Variants in ULK2 observed in about 807,000 individuals in gnomAD.
The protein encoded by ULK2 is serine/threonine-protein kinase ULK2.
In ULK2, 76 loss-of-function variants were observed where a neutral mutation model predicts 127.5. The observed-to-expected ratio is 0.60, with a 90% CI of 0.50 to 0.72. The LOEUF (loss-of-function observed/expected upper bound fraction) is 0.72. Among genes scored for constraint, ULK2 ranks in the 30% least tolerant of loss-of-function variants. ULK2 has a pLI of 0.00. For missense variants in ULK2, 1,144 were observed against 1,295.9 expected (o/e 0.88, Z 1.80); for synonymous variants, 452 against 461.9 (o/e 0.98, Z 0.28).
intron 12 of ULK2, among the ~76,000 whole-genome samples, chr17:19,823,713 C>A (rs2041216756): frequency 6.6e-6 from 1 of 152,162 alleles, no homozygotes; most frequent in African/African-American, 2.4e-5. Context: ...CTGACCGGCC[C>A]AAAGTCACTG....
chr17:19,801,270 G>C (rs1042453070), intron 16 of ULK2, among the ~76,000 whole-genome samples: 1 of 152,106 alleles, frequency 6.6e-6, no homozygotes, highest in African/African-American at 2.4e-5. Context: ...AATTTATACA[G>C]AGATTCTCAA....
rs758598196 is a variant in ULK2, at chr17:19,804,821, C to G, written c.1167G>C (p.Gln389His). 6.8e-6 allele frequency: 11 copies of G among 1,610,586 alleles called. No individual in the cohort carries two copies. The highest frequency in any genetic ancestry group is 9.3e-6 in the Non-Finnish European group (11 of 1,178,712). ...NEFLVCGGQCQPTVSPHSETA... is the reference protein window; with the variant it reads ...NEFLVCGGQCHPTVSPHSETA... ...TTTCGCTGTGAGGTGACACAGTAGG[C>G]TGACACTGCCTGCAATCGTAATTTA... The change falls in exon 15 of 27, where the codon CAG becomes CAC. Residue 389 changes from glutamine to histidine, a missense_variant. Around this residue, in one of 2 missense-constraint regions of ULK2, gnomAD observed 913 missense variants for 970.5 expected, o/e 0.94. Coordinates refer to ENST00000395544, the MANE Select transcript of ULK2 (RefSeq NM_014683.4).
intron 12 of ULK2, among the ~76,000 whole-genome samples, chr17:19,819,222 C>A (rs1288836483): frequency 6.6e-6 from 1 of 152,186 alleles, no homozygotes; most frequent in Non-Finnish European, 1.5e-5. Flanking sequence ...TCAATAATTT[C>A]TATTGTCAAG....
At chr17:19,863,467 T>C (rs938134213) in intron 3 of ULK2, among the ~76,000 whole-genome samples, 1 of 151,394 alleles carries the variant, frequency 6.6e-6, no homozygotes, top group Non-Finnish European at 1.5e-5. Flanking sequence ...AGCTCTCACA[T>C]GGTATCACAC....
chr17:19,845,477 G>T, intron 6 of ULK2, 100 bp from the exon 7 acceptor site: 1 of 890,488 alleles, frequency 1.1e-6, no homozygotes, highest in Non-Finnish European at 1.8e-6. Context: ...ACAAAGGACT[G>T]TGAAAAATAA....
intron 3 of ULK2, 62 bp downstream of exon 3, chr17:19,864,737 CACTT>C (rs2042317015): frequency 1.7e-6 from 1 of 603,084 alleles, no homozygotes; most frequent in South Asian, 5.8e-5. Flanking sequence ...TATTAAGAGT[CACTT>C]AAATCTGTAT....
chr17:19,839,598 G>A (rs28491526), intron 9 of ULK2, among the ~76,000 whole-genome samples: 5,291 of 149,334 alleles, frequency 0.035, 246 homozygotes, highest in African/African-American at 0.11. Flanking sequence ...GGAGGTGGAT[G>A]TTGCAGTGAG....
intron 3 of ULK2, among the ~76,000 whole-genome samples, chr17:19,852,978 A>G (rs1359808300): frequency 6.6e-6 from 1 of 152,000 alleles, no homozygotes; most frequent in African/African-American, 2.4e-5. Context: ...TAACATGAGT[A>G]GGTGGTTCTC....
chr17:19,801,717 A>T (rs1337691521), intron 16 of ULK2, 60 bp downstream of exon 16: 23 of 1,598,852 alleles, frequency 1.4e-5, no homozygotes, highest in Non-Finnish European at 2.0e-5. Flanking sequence ...AAAATGTGTC[A>T]TGTCAGATTT....
intron 7 of ULK2, among the ~76,000 whole-genome samples, 186 bp from the exon 8 acceptor site, chr17:19,843,408 T>G (rs1398720014): frequency 6.6e-6 from 1 of 152,116 alleles, no homozygotes; most frequent in Admixed American, 6.6e-5. Context: ...TGAGATTTAC[T>G]AGTAAATCTC....
At position 19,816,795 on chromosome 17, in the gene ULK2, C is replaced by T. The variant is rs777559552; in HGVS notation, c.1050G>A (p.Thr350=). Residue 350 remains threonine (T), a synonymous_variant, in exon 13 of 27, where the codon ACG becomes ACA. Coordinates refer to ENST00000395544, the MANE Select transcript of ULK2 (RefSeq NM_014683.4). ...TGTGTGGCACCAAAACAAAGTCATC[C>T]GTGTCACAAGAAGAGTTCTTGCTAC... ...STSSKNSSCD[T]DDFVLVPHNI... The T allele has an allele frequency of 2.4e-5, 38 of 1,608,008 alleles. No individual in the cohort carries two copies. The highest frequency in any genetic ancestry group is 4.0e-5 in the African/African-American group (3 of 74,572).
intron 9 of ULK2, among the ~76,000 whole-genome samples, chr17:19,838,828 C>T (rs560398561): frequency 2.0e-5 from 3 of 151,708 alleles, no homozygotes; most frequent in East Asian, 3.9e-4. Context: ...GAGATCGAGA[C>T]CATCCTGACT....
At chr17:19,793,187 A>G (rs2087194262) in intron 20 of ULK2, among the ~76,000 whole-genome samples, 1 of 152,158 alleles carries the variant, frequency 6.6e-6, no homozygotes, top group South Asian at 2.1e-4. Flanking sequence ...AGCGGGGAAG[A>G]GCCCCTTATA....
At chr17:19,795,436 G>A (rs181037877) in intron 20 of ULK2, among the ~76,000 whole-genome samples, 186 bp downstream of exon 20, 130 of 148,122 alleles carry the variant, frequency 8.8e-4, no homozygotes, top group African/African-American at 3.0e-3. Flanking sequence ...TACTGAATAA[G>A]GTCCTATTCT....
At chr17:19,818,337 A>G (rs1175507913) in intron 12 of ULK2, among the ~76,000 whole-genome samples, 2 of 152,042 alleles carry the variant, frequency 1.3e-5, no homozygotes, top group Admixed American at 6.6e-5. Context: ...AAAAAAAAAA[A>G]AAGAGCTTTC....
intron 10 of ULK2, among the ~76,000 whole-genome samples, chr17:19,827,615 A>G (rs1214811648): frequency 6.6e-6 from 1 of 152,216 alleles, no homozygotes; most frequent in African/African-American, 2.4e-5. Context: ...TTTACCTAAG[A>G]TAAGAATTAG....
chr17:19,795,065 C>A (rs1481419942), intron 20 of ULK2, among the ~76,000 whole-genome samples: 4 of 151,528 alleles, frequency 2.6e-5, no homozygotes, highest in South Asian at 2.1e-4. Flanking sequence ...GGCGACTGAG[C>A]GAGACTTCAT....
At chr17:19,827,876 C>T (rs2041334761) in intron 10 of ULK2, among the ~76,000 whole-genome samples, 1 of 151,750 alleles carries the variant, frequency 6.6e-6, no homozygotes, top group East Asian at 1.9e-4. Context: ...TGCCATTGCG[C>T]TCCAGCCTAG....
chr17:19,800,886 G>A lies in ULK2; in HGVS notation c.1441+891C>T, dbSNP rs147892770. Among the ~76,000 whole-genome samples the A allele has an allele frequency of 7.2e-4, 110 of 152,328 alleles. 1 individual carries two copies. Among genetic ancestry groups the A allele is most frequent in the African/African-American group, 2.6e-3 (107 of 41,586 alleles). On this transcript the variant is annotated intron_variant, in intron 16 of 26. Coordinates refer to ENST00000395544, the MANE Select transcript of ULK2 (RefSeq NM_014683.4). ...TGGCTCTCTCACACATATTTCTGCA[G>A]TTTGAGCTTTTATTTCTGTCCCTTG...
Sources: allele counts gnomAD v4.1 joint callset (sites outside exome capture counted in the v4.1 genomes callset), GRCh38; gene constraint gnomAD v4.1.1; regional missense constraint gnomAD v4.1.1; transcripts MANE v1.5; gene names NCBI Gene and HGNC (gene_info 2026-07-23, HGNC 2026-07-21).